The following LARGE1 variants were observed in gnomAD, a reference collection of about 807,000 sequenced individuals.
LARGE1 encodes xylosyl- and glucuronyltransferase LARGE1.
LARGE1 carries 43 observed loss-of-function variants against 87.6 expected under a neutral mutation model. The ratio of observed to expected loss-of-function variants is 0.49; its 90% confidence interval spans 0.38 to 0.63. The LOEUF (loss-of-function observed/expected upper bound fraction) is 0.63. Among genes scored for constraint, LARGE1 ranks in the 30% least tolerant of loss-of-function variants. LARGE1 has a pLI of 0.00. For missense variants in LARGE1, 802 were observed against 1,000.2 expected (o/e 0.80, Z 2.67); for synonymous variants, 434 against 394.6 (o/e 1.10, Z -1.18).
At chr22:33,450,211 C>T (rs987145491) in intron 6 of LARGE1, among the ~76,000 whole-genome samples, 9 of 151,888 alleles carry the variant, frequency 5.9e-5, no homozygotes, top group African/African-American at 1.7e-4. Flanking sequence ...TGCACCTGGC[C>T]GAGGCTTTTG....
chr22:33,588,798 GAT>G (rs2078753599), intron 5 of LARGE1, among the ~76,000 whole-genome samples: 1 of 152,152 alleles, frequency 6.6e-6, no homozygotes, highest in South Asian at 2.1e-4. Flanking sequence ...GTATAAAGGT[GAT>G]TTAGAAACAA....
At position 33,678,076 on chromosome 22, in the gene LARGE1, T is replaced by C. The variant is rs1429748732; in HGVS notation, c.107-27408A>G. Among the ~76,000 whole-genome samples, 6 of 152,160 alleles carry C rather than the reference T, an allele frequency of 3.9e-5. No individual in the cohort carries two copies. In the South Asian group the frequency reaches 1.2e-3, roughly 32 times the overall value. On this transcript the variant is annotated intron_variant, in intron 2 of 14. Coordinates refer to ENST00000397394, the MANE Select transcript of LARGE1 (RefSeq NM_133642.5). ...GAAACCAACTGGAATAAAAAACGCA[T>C]TTGTAAAATTTATGTAAAAGAAGTG...
chr22:33,261,183 T>A (rs1235122583), intron 11 of LARGE1, among the ~76,000 whole-genome samples: 1 of 152,222 alleles, frequency 6.6e-6, no homozygotes. Flanking sequence ...TCTCAAGCAG[T>A]GCCCAGGTTA....
At chr22:33,426,930 C>A (rs1569153838) in intron 7 of LARGE1, among the ~76,000 whole-genome samples, 1 of 152,222 alleles carries the variant, frequency 6.6e-6, no homozygotes, top group Non-Finnish European at 1.5e-5. Flanking sequence ...GGGTCCCATG[C>A]AAATAAACCT....
intron 4 of LARGE1, among the ~76,000 whole-genome samples, chr22:33,615,197 A>AT (rs915129268): frequency 2.3e-3 from 346 of 148,460 alleles, no homozygotes; most frequent in African/African-American, 7.4e-3. Flanking sequence ...TTATACCTAG[A>AT]TTTTTTTTTT....
At chr22:33,198,400 A>T (rs750045639) in intron 11 of LARGE1, among the ~76,000 whole-genome samples, 2 of 152,044 alleles carry the variant, frequency 1.3e-5, no homozygotes, top group African/African-American at 4.8e-5. Flanking sequence ...AGTTCGCTGC[A>T]GCCTCAAACT....
Position 33,361,837 on chromosome 22 carries a change from T to C in LARGE1, c.1131+20082A>G, listed in dbSNP as rs1352765872. On this transcript the variant is annotated intron_variant, in intron 9 of 14. Coordinates refer to ENST00000397394, the MANE Select transcript of LARGE1 (RefSeq NM_133642.5). ...AGCAGACTCTATTGGAATTTTCCAT[T>C]ACTCACCAATTAGGTCTCACTAGAG... 2.7e-5 allele frequency among the ~76,000 whole-genome samples: 4 copies of C among 147,470 alleles called. 1 individual carries two copies. Among genetic ancestry groups the C allele is most frequent in the African/African-American group, 1.0e-4 (4 of 40,150 alleles).
intron 5 of LARGE1, among the ~76,000 whole-genome samples, chr22:33,570,849 C>T (rs1478185306): frequency 6.6e-6 from 1 of 151,942 alleles, no homozygotes; most frequent in African/African-American, 2.4e-5. Flanking sequence ...CATGCCGCAA[C>T]ACACTTCAGT....
chr22:33,710,926 A>C (rs937615542), intron 2 of LARGE1, among the ~76,000 whole-genome samples: 4 of 152,220 alleles, frequency 2.6e-5, no homozygotes, highest in African/African-American at 9.6e-5. Context: ...AAATTTCCAA[A>C]GCAACAAATG....
At chr22:33,071,389 G>A in the LARGE1 span, among the ~76,000 whole-genome samples, 1 of 152,152 alleles carries the variant, frequency 6.6e-6, no homozygotes, top group Non-Finnish European at 1.5e-5. Flanking sequence ...GTTTATACAC[G>A]TTGTTAAAGT....
chr22:33,384,348 A>C, intron 7 of LARGE1, 44 bp from the exon 8 acceptor site: 1 of 1,448,084 alleles, frequency 6.9e-7, no homozygotes, highest in Non-Finnish European at 9.7e-7. Context: ...AAAAATAAAA[A>C]AGATGGAGAG....
chr22:33,288,699 G>C (rs1395627964), intron 12 of LARGE1, among the ~76,000 whole-genome samples: 2 of 152,008 alleles, frequency 1.3e-5, no homozygotes, highest in African/African-American at 4.8e-5. Flanking sequence ...TCCTAATTCC[G>C]ACCTGGTCCA....
At chr22:33,705,374 A>G (rs2082530471) in intron 2 of LARGE1, among the ~76,000 whole-genome samples, 1 of 152,200 alleles carries the variant, frequency 6.6e-6, no homozygotes, top group Non-Finnish European at 1.5e-5. Flanking sequence ...TCATGGAGTT[A>G]AAGGATACGC....
chr22:33,358,997 T>TAA (rs35961638), intron 9 of LARGE1, among the ~76,000 whole-genome samples: 12 of 141,836 alleles, frequency 8.5e-5, no homozygotes, highest in Middle Eastern at 3.6e-3. Context: ...GACTCCATCT[T>TAA]AAAAAAAAAA....
intron 6 of LARGE1, among the ~76,000 whole-genome samples, chr22:33,547,200 G>A (rs953452162): frequency 6.6e-5 from 10 of 151,718 alleles, no homozygotes; most frequent in African/African-American, 9.7e-5. Context: ...CCAGTTTCAC[G>A]GAAGACAATT....
intron 1 of LARGE1, among the ~76,000 whole-genome samples, chr22:33,792,697 A>T (rs2085861104): frequency 6.6e-6 from 1 of 152,194 alleles, no homozygotes; most frequent in African/African-American, 2.4e-5. Context: ...AAAGCACAGA[A>T]GCAAAAAAAC....
chr22:33,432,595 T>TGCATG (rs2067118741), intron 6 of LARGE1, among the ~76,000 whole-genome samples: 21 of 147,236 alleles, frequency 1.4e-4, no homozygotes, highest in Non-Finnish European at 2.4e-4. Context: ...ATTCATTCAT[T>TGCATG]CATGCATGCA....
intron 2 of LARGE1, among the ~76,000 whole-genome samples, chr22:33,666,637 G>A (rs1019897283): frequency 3.3e-5 from 5 of 152,208 alleles, no homozygotes; most frequent in African/African-American, 1.2e-4. Context: ...AGGTCAGACA[G>A]GAGAAGTGAC....
intron 2 of LARGE1, chr22:33,732,991 A>G (rs1370159880): frequency 6.6e-6 from 1 of 152,338 alleles, no homozygotes; most frequent in Non-Finnish European, 1.5e-5. Flanking sequence ...CTGATGACCA[A>G]CTTGCAGCCG....
Sources: gnomAD v4.1 joint callset for allele counts (sites outside exome capture counted in the v4.1 genomes callset) on GRCh38, gnomAD v4.1.1 for gene constraint, MANE v1.5 for transcripts, NCBI Gene and HGNC (gene_info 2026-07-23, HGNC 2026-07-21) for gene names.